KCNQ1: variants seen among roughly 807,000 people sequenced by gnomAD.
KCNQ1 encodes the protein potassium voltage-gated channel subfamily KQT member 1.
A neutral mutation model predicts 72.4 loss-of-function variants in KCNQ1; 49 were observed. That is an observed-to-expected ratio of 0.68 (90% confidence interval 0.54 to 0.86). The LOEUF is 0.86. KCNQ1 is among the 40% of genes least tolerant of loss of function. The pLI is 0.00. For synonymous variants in KCNQ1, 450 were observed against 412.6 expected, an observed-to-expected ratio of 1.09 and a Z score of -1.10; for missense variants, 790 against 945.1, an observed-to-expected ratio of 0.84 and a Z score of 2.15.
intron 11 of KCNQ1, among the ~76,000 whole-genome samples, chr11:2,716,953 A>T (rs1021463604): frequency 7.2e-5 from 11 of 152,224 alleles, no homozygotes. Flanking sequence ...CTATGTGAGT[A>T]CAGGAACCTC....
chr11:2,685,534 G>C, intron 11 of KCNQ1: 2 of 398,772 alleles, frequency 5.0e-6, no homozygotes, highest in Non-Finnish European at 8.8e-6. Flanking sequence ...TACAGGTGCA[G>C]TGGGAGGATC....
At chr11:2,741,353 A>C (rs1460717861) in intron 11 of KCNQ1, among the ~76,000 whole-genome samples, 1 of 152,198 alleles carries the variant, frequency 6.6e-6, no homozygotes, top group Non-Finnish European at 1.5e-5. Flanking sequence ...TGTGTGCAGC[A>C]GGCATTGGGG....
chr11:2,678,477 ACT>A lies in KCNQ1; in HGVS notation c.1514+16400_1514+16401del, dbSNP rs1326426580. On this transcript the variant is annotated intron_variant, in intron 11 of 15. Coordinates refer to ENST00000155840, the MANE Select transcript of KCNQ1 (RefSeq NM_000218.3). This position sits in a 1 kb window ranked among gnomAD's most constrained non-coding sequence, Gnocchi z 4.9. The stretch of plus-strand genomic sequence containing the variant: ...AACTGCTACCTTTATCATATTTCAA[ACT>A]CTCATTTAATTTGTGTCCATTTCTA... 3 of 398,224 alleles carry A rather than the reference ACT, an allele frequency of 7.5e-6. No individual in the cohort carries two copies. The highest frequency in any genetic ancestry group is 1.3e-5 in the Non-Finnish European group (3 of 226,028). 24.7% of individuals were successfully genotyped at this position (398,224 alleles called of 1,614,324 possible). A position where few individuals can be genotyped will look rare whatever the true frequency, so the allele number is the denominator to read the frequency against.
chr11:2,671,304 T>C lies in KCNQ1; in HGVS notation c.1514+9223T>C, dbSNP rs1451026017. 4 of 398,440 alleles carry C rather than the reference T, an allele frequency of 1.0e-5. No homozygotes were observed. The highest frequency in any genetic ancestry group is 2.1e-5 in the African/African-American group (1 of 48,612). 24.7% of individuals were successfully genotyped at this position (398,440 alleles called of 1,614,324 possible). ...CTCTGATCTTCTCCATAAGTAATCT[T>C]TTCCCATGTGTGGCTGCAGCCTCAG... On this transcript the variant is annotated intron_variant, in intron 11 of 15. Transcript: ENST00000155840. This position sits in a 1 kb window ranked among gnomAD's most constrained non-coding sequence, Gnocchi z 4.7.
rs12576239 is a variant in KCNQ1, at chr11:2,481,089, C to T, written c.386+35605C>T. Among the ~76,000 whole-genome samples the T allele has an allele frequency of 0.16, 23,667 of 152,186 alleles. 1,888 individuals are homozygous for T. The highest frequency in any genetic ancestry group is 0.19 in the Admixed American group (2,980 of 15,296). On this transcript the variant is annotated intron_variant, in intron 1 of 15. Coordinates refer to ENST00000155840, the MANE Select transcript of KCNQ1 (RefSeq NM_000218.3). The surrounding 1 kb of genome is among the most constrained non-coding windows in gnomAD (Gnocchi z 4.6). ...TCATGTTGGATTTCACTCATAGCCACGAGAACGGGTGGTGGTCTCTTCTGC... is the reference window on the plus strand; with the variant it reads ...TCATGTTGGATTTCACTCATAGCCATGAGAACGGGTGGTGGTCTCTTCTGC...
rs957116994 is a variant in KCNQ1 at position 2,663,049 on chromosome 11, C to T, written c.1514+968C>T. ...ATGGTGCTGGGGGCTGCAGGTGTAACCAGAGAACTGGCAGGGTTGGGTAGC... is the reference window on the plus strand; with the variant it reads ...ATGGTGCTGGGGGCTGCAGGTGTAATCAGAGAACTGGCAGGGTTGGGTAGC... On this transcript the variant is annotated intron_variant, in intron 11 of 15. Coordinates refer to ENST00000155840, the MANE Select transcript of KCNQ1 (RefSeq NM_000218.3). The surrounding 1 kb of genome is among the most constrained non-coding windows in gnomAD (Gnocchi z 5.2). 4 of 398,614 alleles carry T rather than the reference C, an allele frequency of 1.0e-5. No individual in the cohort carries two copies. The highest frequency in any genetic ancestry group is 8.8e-5 in the Admixed American group (2 of 22,712). The allele number at this position is 398,614 out of a possible 1,614,324, so 24.7% of individuals were successfully genotyped here.
chr11:2,573,338 C>T (rs1848370466), intron 6 of KCNQ1, among the ~76,000 whole-genome samples: 2 of 152,162 alleles, frequency 1.3e-5, no homozygotes, highest in African/African-American at 4.8e-5. Context: ...TTCCCTGCCT[C>T]CACCGTGGCC....
At chr11:2,694,219 G>A (rs1045253442) in intron 11 of KCNQ1, 1 of 398,584 alleles carries the variant, frequency 2.5e-6, no homozygotes, top group African/African-American at 2.1e-5. Flanking sequence ...GAGGCTATAG[G>A]TGTTAGATGT....
intron 11 of KCNQ1, among the ~76,000 whole-genome samples, chr11:2,705,244 G>T (rs1408431026): frequency 6.6e-6 from 1 of 152,240 alleles, no homozygotes; most frequent in Admixed American, 6.5e-5. Flanking sequence ...GTGATAACGT[G>T]AGGCCAGACG....
intron 12 of KCNQ1, among the ~76,000 whole-genome samples, chr11:2,771,776 G>T (rs1846603690): frequency 1.3e-5 from 2 of 152,264 alleles, no homozygotes; most frequent in African/African-American, 4.8e-5. Context: ...AGCCCCAGCA[G>T]GCCCTGTCGC....
In KCNQ1 at chr11:2,463,813, C is replaced by T. The variant is rs545776929; in HGVS notation, c.386+18329C>T. On this transcript the variant is annotated intron_variant, in intron 1 of 15. Transcript: ENST00000155840. The surrounding 1 kb of genome is among the most constrained non-coding windows in gnomAD (Gnocchi z 7.0). Reference sequence around the variant, plus strand: ...GGGTCAGCCCTGAAGCCGGATGGCCCGGCCCCCGCTACCACGTGGAGGCTC... The same window carrying T: ...GGGTCAGCCCTGAAGCCGGATGGCCTGGCCCCCGCTACCACGTGGAGGCTC... Among the ~76,000 whole-genome samples, 2 of 152,318 alleles carry T rather than the reference C, an allele frequency of 1.3e-5. No homozygotes were observed. The highest frequency in any genetic ancestry group is 2.4e-5 in the African/African-American group (1 of 41,568).
rs2283160 is a variant in KCNQ1, at chr11:2,548,734, G to A, written c.477+20716G>A. Among the ~76,000 whole-genome samples the A allele has an allele frequency of 7.3e-3, 1,113 of 152,340 alleles. 98 individuals are homozygous for A. In the East Asian group the frequency reaches 0.2, roughly 27 times the overall value. On this transcript the variant is annotated intron_variant, in intron 2 of 15. Coordinates refer to ENST00000155840, the MANE Select transcript of KCNQ1 (RefSeq NM_000218.3). ...TAGCACCAGGTTTGTGTGTTTATGC[G>A]TGTGCACACACGGTGTTGGGCTCTG... is the stretch of plus-strand genomic sequence containing the variant.
intron 15 of KCNQ1, among the ~76,000 whole-genome samples, chr11:2,797,611 G>T (rs1440885617): frequency 6.6e-6 from 1 of 152,252 alleles, no homozygotes; most frequent in Non-Finnish European, 1.5e-5. Flanking sequence ...CCGCCTTCTT[G>T]TATGTCTTGA....
chr11:2,554,474 G>A (rs1010381726), intron 2 of KCNQ1, among the ~76,000 whole-genome samples: 6 of 152,250 alleles, frequency 3.9e-5, no homozygotes, highest in African/African-American at 1.4e-4. Context: ...CTTAGGGGCT[G>A]TGGGGTTTGC....
At chr11:2,728,369 C>T (rs1021316022) in intron 11 of KCNQ1, among the ~76,000 whole-genome samples, 3 of 152,260 alleles carry the variant, frequency 2.0e-5, no homozygotes, top group Admixed American at 1.3e-4. Context: ...CTCAGGGGAC[C>T]ACAGCCGGCT....
intron 1 of KCNQ1, among the ~76,000 whole-genome samples, chr11:2,506,080 A>C (rs1457093334): frequency 6.6e-6 from 1 of 152,044 alleles, no homozygotes; most frequent in Non-Finnish European, 1.5e-5. Context: ...ACAGATGCGC[A>C]CTCCTACGTT....
chr11:2,554,082 G>A (rs774685456), intron 2 of KCNQ1, among the ~76,000 whole-genome samples: 7 of 152,176 alleles, frequency 4.6e-5, no homozygotes, highest in Non-Finnish European at 2.9e-5. Flanking sequence ...GAACTTCCAC[G>A]CCCACGCTCA....
At chr11:2,650,106 C>A in intron 10 of KCNQ1, 1 of 398,282 alleles carries the variant, frequency 2.5e-6, no homozygotes, top group Non-Finnish European at 4.4e-6. Flanking sequence ...TTATTTCATT[C>A]ATTTAATTTA....
At chr11:2,632,186 A>AAG (rs1243775865) in intron 10 of KCNQ1, 1 of 342,276 alleles carries the variant, frequency 2.9e-6, no homozygotes, top group Non-Finnish European at 5.3e-6. Context: ...CTGCCTCAAA[A>AAG]AAAAAAAAAA....
Sources: allele counts gnomAD v4.1 joint callset (sites outside exome capture counted in the v4.1 genomes callset), GRCh38; gene constraint gnomAD v4.1.1; non-coding constraint Gnocchi (gnomAD v3.1); transcripts MANE v1.5; gene names NCBI Gene and HGNC (gene_info 2026-07-23, HGNC 2026-07-21).